The following NOSTRIN variants were observed in gnomAD, a reference collection of about 807,000 sequenced individuals.
NOSTRIN encodes the protein nitric oxide synthase trafficking.
NOSTRIN carries 63 observed loss-of-function variants against 59.0 expected under a neutral mutation model. The ratio of observed to expected loss-of-function variants is 1.07; its 90% CI spans 0.87 to 1.32. NOSTRIN has a LOEUF of 1.32. Among genes scored for constraint, NOSTRIN ranks in the 40% most tolerant of loss-of-function variants. The pLI is 0.00. For synonymous variants in NOSTRIN, 200 were observed against 165.4 expected (o/e 1.21, Z -1.61); for missense variants, 512 against 473.1 (o/e 1.08, Z -0.76).
chr2:168,839,253 C>G lies in NOSTRIN; in HGVS notation c.505-3739C>G, dbSNP rs150210615. Among the ~76,000 whole-genome samples, 767 of 152,288 alleles carry G rather than the reference C, an allele frequency of 5.0e-3. 2 individuals carry two copies. Among genetic ancestry groups the G allele is most frequent in the Non-Finnish European group, 8.2e-3 (555 of 68,024 alleles). On this transcript the variant is annotated intron_variant, in intron 7 of 15. Coordinates refer to ENST00000317647, the MANE Select transcript of NOSTRIN (RefSeq NM_001039724.4). ...ATTTTGCCTCACCAACTCCTACTTT[C>G]ATTTTAGTTTTATTCATATGGAGAT...
chr2:168,788,888 TAAAA>T (rs1185860099), intron 2 of NOSTRIN, among the ~76,000 whole-genome samples: 2 of 132,644 alleles, frequency 1.5e-5, no homozygotes, highest in Non-Finnish European at 3.2e-5. Context: ...CACACACAGA[TAAAA>T]AGATAGATAG....
intron 2 of NOSTRIN, among the ~76,000 whole-genome samples, chr2:168,822,867 C>T (rs188251837): frequency 3.3e-5 from 5 of 152,254 alleles, no homozygotes; most frequent in African/African-American, 1.2e-4. Flanking sequence ...CTACCACTGC[C>T]GATTCCCATT....
intron 15 of NOSTRIN, among the ~76,000 whole-genome samples, chr2:168,864,576 C>T (rs372577955): frequency 5.0e-4 from 76 of 152,246 alleles, no homozygotes; most frequent in African/African-American, 8.7e-4. Context: ...TCACCCACCA[C>T]GCCCAGCCAA....
chr2:168,839,158 T>C (rs1687912190), intron 7 of NOSTRIN, among the ~76,000 whole-genome samples: 1 of 152,036 alleles, frequency 6.6e-6, no homozygotes, highest in Non-Finnish European at 1.5e-5. Flanking sequence ...ACATCACCTC[T>C]CCCCATTCTC....
intron 3 of NOSTRIN, among the ~76,000 whole-genome samples, chr2:168,825,759 C>T (rs1445581765): frequency 6.6e-6 from 1 of 151,986 alleles, no homozygotes. Flanking sequence ...TGCAGACGTG[C>T]CCTTGAACTG....
At chr2:168,798,824 T>TAGATAGACAGAC (rs10626753), upstream of NOSTRIN, among the ~76,000 whole-genome samples, 293 of 150,620 alleles carry the variant, frequency 1.9e-3, 5 homozygotes, top group South Asian at 0.037. Context: ...GATAGATAGA[T>TAGATAGACAGAC]AGACAGACAG....
At chr2:168,813,247 A>C (rs1686241338) in intron 2 of NOSTRIN, among the ~76,000 whole-genome samples, 1 of 152,202 alleles carries the variant, frequency 6.6e-6, no homozygotes, top group Non-Finnish European at 1.5e-5. Flanking sequence ...GAATCTATGC[A>C]TGTATCAGCC....
chr2:168,792,224 G>A (rs975213519), intron 2 of NOSTRIN, among the ~76,000 whole-genome samples: 6 of 151,942 alleles, frequency 3.9e-5, no homozygotes, highest in African/African-American at 9.7e-5. Flanking sequence ...GATGCAAAAT[G>A]TTTATTCTTT....
upstream of NOSTRIN, among the ~76,000 whole-genome samples, chr2:168,794,654 C>T (rs528485809): frequency 2.7e-4 from 41 of 152,148 alleles, 1 homozygote; most frequent in Admixed American, 1.8e-3. Context: ...CCCAGCCCAG[C>T]GGATGATTTT....
chr2:168,857,518 G>C (rs577610671), intron 12 of NOSTRIN, among the ~76,000 whole-genome samples: 5 of 152,246 alleles, frequency 3.3e-5, no homozygotes, highest in Admixed American at 3.3e-4. Context: ...CTGAGTGTGT[G>C]AACTCTAGCC....
intron 8 of NOSTRIN, among the ~76,000 whole-genome samples, chr2:168,844,271 G>A (rs1688269069): frequency 6.6e-6 from 1 of 152,130 alleles, no homozygotes. Flanking sequence ...CTTATGCACG[G>A]CCCCTGGTGA....
chr2:168,832,974 C>T (rs1424430924), intron 6 of NOSTRIN, among the ~76,000 whole-genome samples: 1 of 152,132 alleles, frequency 6.6e-6, no homozygotes. Flanking sequence ...TCAGCTTTCA[C>T]AGGAATTCAG....
rs779681317 is a variant in NOSTRIN at position 168,865,104 on chromosome 2, C to T, written c.*134C>T. 12 of 904,752 alleles carry T rather than the reference C, an allele frequency of 1.3e-5. No homozygotes were observed. The highest frequency in any genetic ancestry group is 2.4e-4 in the Middle Eastern group (1 of 4,230). The allele number at this position is 904,752 out of a possible 1,614,324, so 56.0% of individuals were successfully genotyped here. Reference sequence around the variant, plus strand: ...GGAGTTCTACCTGCATGTCACAGCACTTTGCATTCATGATTATTAGCTTGA... The same window carrying T: ...GGAGTTCTACCTGCATGTCACAGCATTTTGCATTCATGATTATTAGCTTGA... On this transcript the variant is annotated 3_prime_UTR_variant, in exon 16 of 16. Transcript: ENST00000317647.
At chr2:168,787,892 G>T (rs1269783744) in exon 2 of NOSTRIN, 1 of 151,918 alleles carries the variant, frequency 6.6e-6, no homozygotes, top group Admixed American at 6.6e-5. Context: ...TAAAAACTTT[G>T]TCCTTGGTCT....
At position 168,827,611 on chromosome 2, in the gene NOSTRIN, T is replaced by C. The variant is rs894280816; in HGVS notation, c.198-547T>C. Among the ~76,000 whole-genome samples, 8 of 152,246 alleles carry C rather than the reference T, an allele frequency of 5.3e-5. No individual in the cohort carries two copies. The East Asian group carries it at 1.5e-3, about 29-fold the overall frequency. ...GCTCAGGGGATACGGTCTTGCTCTG[T>C]TGCCCAGGCTGGAGTACAGTGGCAT... On this transcript the variant is annotated intron_variant, in intron 3 of 15. Transcript: ENST00000317647.
chr2:168,797,422 G>A (rs1307366299), upstream of NOSTRIN, among the ~76,000 whole-genome samples: 1 of 151,912 alleles, frequency 6.6e-6, no homozygotes, highest in Non-Finnish European at 1.5e-5. Context: ...AACACAATAA[G>A]ATAAACAAAG....
intron 1 of NOSTRIN, 151 bp from the exon 2 acceptor site, chr2:168,811,416 C>T (rs2105550289): frequency 4.8e-6 from 2 of 417,170 alleles, no homozygotes; most frequent in South Asian, 1.1e-4. Flanking sequence ...TTTAAGAACT[C>T]ATCCAAAAGG....
chr2:168,850,467 C>G (rs1688693735), intron 8 of NOSTRIN, among the ~76,000 whole-genome samples: 1 of 152,182 alleles, frequency 6.6e-6, no homozygotes, highest in Non-Finnish European at 1.5e-5. Flanking sequence ...GCCTGTCATT[C>G]TCTTCCCTGC....
At chr2:168,790,528 AC>A (rs760869354) in intron 2 of NOSTRIN, among the ~76,000 whole-genome samples, 7 of 152,226 alleles carry the variant, frequency 4.6e-5, no homozygotes, top group Non-Finnish European at 8.8e-5. Context: ...TGCCAAAGAT[AC>A]GAAACCTGAA....
Sources: gnomAD v4.1 joint callset for allele counts (sites outside exome capture counted in the v4.1 genomes callset) on GRCh38, gnomAD v4.1.1 for gene constraint, MANE v1.5 for transcripts, NCBI Gene and HGNC (gene_info 2026-07-23, HGNC 2026-07-21) for gene names.